Variants in UNC13C observed in about 807,000 individuals in gnomAD.
UNC13C encodes the protein unc-13 homolog C.
A neutral mutation model predicts 245.4 loss-of-function variants in UNC13C; 174 were observed. The ratio of observed to expected loss-of-function variants is 0.71; its 90% CI spans 0.63 to 0.80. UNC13C has a LOEUF of 0.80. Among genes scored for constraint, UNC13C ranks in the 30% least tolerant of loss-of-function variants. The pLI is 0.00. For synonymous variants in UNC13C, 992 were observed against 895.1 expected, an observed-to-expected ratio of 1.11 and a Z score of -1.93; for missense variants, 2,829 against 2,602.9, an observed-to-expected ratio of 1.09 and a Z score of -1.89.
the UNC13C span, among the ~76,000 whole-genome samples, chr15:53,934,397 C>T: frequency 7.4e-4 from 112 of 152,288 alleles, no homozygotes; most frequent in African/African-American, 2.5e-3. Flanking sequence ...TTTCCAACCC[C>T]CGCCTTTTTC....
intron 4 of UNC13C, among the ~76,000 whole-genome samples, chr15:54,201,258 C>T (rs1423983933): frequency 6.6e-6 from 1 of 151,910 alleles, no homozygotes; most frequent in Non-Finnish European, 1.5e-5. Context: ...GAAACCAATC[C>T]TATTGACACT....
At chr15:54,574,124 A>G (rs1359482982) in intron 30 of UNC13C, among the ~76,000 whole-genome samples, 1 of 152,168 alleles carries the variant, frequency 6.6e-6, no homozygotes, top group East Asian at 1.9e-4. Flanking sequence ...ATAACCCCCT[A>G]TTTTAATCAA....
At chr15:54,328,651 A>G (rs1219292402) in intron 14 of UNC13C, among the ~76,000 whole-genome samples, 2 of 151,966 alleles carry the variant, frequency 1.3e-5, no homozygotes, top group African/African-American at 2.4e-5. Context: ...TCCTTACAAG[A>G]GCTTTTCCTT....
the UNC13C span, among the ~76,000 whole-genome samples, chr15:53,895,044 A>G: frequency 0.056 from 8,482 of 152,038 alleles, 287 homozygotes; most frequent in Middle Eastern, 0.15. Flanking sequence ...TAAAGCTTTT[A>G]CTGTTATTAG....
In UNC13C at chr15:53,978,629, G is replaced by A. The variant is rs1288732774; in HGVS notation, c.-555G>A. ...GTATTTGGCAATGAGAAGAGTGAAAGGCAGTTTCTTGCCAGCAGCTAAGTT... is the reference window on the plus strand; with the variant it reads ...GTATTTGGCAATGAGAAGAGTGAAAAGCAGTTTCTTGCCAGCAGCTAAGTT... On this transcript the variant is annotated 5_prime_UTR_variant, in exon 1 of 33. Coordinates refer to ENST00000260323, the MANE Select transcript of UNC13C (RefSeq NM_001080534.3). 6.6e-6 allele frequency among the ~76,000 whole-genome samples: 1 copy of A among 152,174 alleles called. No individual in the cohort carries two copies. Among genetic ancestry groups the A allele is most frequent in the Admixed American group, 6.5e-5 (1 of 15,274 alleles).
At chr15:53,971,456 T>C in the UNC13C span, among the ~76,000 whole-genome samples, 1 of 152,126 alleles carries the variant, frequency 6.6e-6, no homozygotes, top group South Asian at 2.1e-4. Flanking sequence ...GACATCAAAC[T>C]TAGAAACTTC....
At chr15:54,240,411 C>T (rs184918452) in intron 7 of UNC13C, among the ~76,000 whole-genome samples, 39 of 152,236 alleles carry the variant, frequency 2.6e-4, no homozygotes, top group East Asian at 1.5e-3. Context: ...ACACTTGATA[C>T]AAAAGCATAA....
chr15:54,072,383 A>G (rs1898369233), intron 2 of UNC13C, among the ~76,000 whole-genome samples: 1 of 152,174 alleles, frequency 6.6e-6, no homozygotes, highest in South Asian at 2.1e-4. Flanking sequence ...ATCCAGGGCA[A>G]CTGAATTTTC....
chr15:53,975,145 C>T (rs1046042548), upstream of UNC13C, among the ~76,000 whole-genome samples: 4 of 152,174 alleles, frequency 2.6e-5, no homozygotes, highest in African/African-American at 9.7e-5. Flanking sequence ...CAATTCTACT[C>T]AAAAGTGCCA....
intron 2 of UNC13C, among the ~76,000 whole-genome samples, chr15:54,111,687 C>G (rs897521825): frequency 2.6e-5 from 4 of 152,188 alleles, no homozygotes; most frequent in Non-Finnish European, 1.5e-5. Context: ...TCATGGGAAT[C>G]AACAGGAGAG....
At position 54,235,183 on chromosome 15, in the gene UNC13C, A is replaced by T. The variant is rs184300358; in HGVS notation, c.3150+75A>T. 465 of 1,259,984 alleles carry T rather than the reference A, an allele frequency of 3.7e-4. 1 individual carries two copies. Among genetic ancestry groups the T allele is most frequent in the Non-Finnish European group, 5.2e-4 (454 of 866,578 alleles). The allele number at this position is 1,259,984 out of a possible 1,614,324, so 78.1% of individuals were successfully genotyped here. A position where few individuals can be genotyped will look rare whatever the true frequency, so the allele number is the denominator to read the frequency against. On this transcript the variant is annotated intron_variant, in intron 5 of 32. Transcript: ENST00000260323. The stretch of plus-strand genomic sequence containing the variant: ...CTTACTAAAATGTAATGTCCTTCTC[A>T]TTCACTGTCTAGCCTGTAAATATTC...
At chr15:54,295,799 T>C (rs2037414382) in intron 11 of UNC13C, among the ~76,000 whole-genome samples, 1 of 152,160 alleles carries the variant, frequency 6.6e-6, no homozygotes, top group Admixed American at 6.5e-5. Flanking sequence ...GTCTATGAGA[T>C]GAAAATGTGA....
chr15:53,879,203 C>G, the UNC13C span, among the ~76,000 whole-genome samples: 2,058 of 152,266 alleles, frequency 0.014, 63 homozygotes, highest in East Asian at 0.13. Flanking sequence ...ACTCTGTTGA[C>G]CAGGCTGCAG....
At chr15:54,075,459 A>G in intron 2 of UNC13C, among the ~76,000 whole-genome samples, 1 of 141,404 alleles carries the variant, frequency 7.1e-6, no homozygotes, top group Non-Finnish European at 1.5e-5. Context: ...CGGAGCTTGC[A>G]GTGAGCCGGA....
intron 2 of UNC13C, among the ~76,000 whole-genome samples, chr15:54,028,582 G>T (rs1334931683): frequency 6.6e-6 from 1 of 151,950 alleles, no homozygotes. Flanking sequence ...CAAGTGGTAT[G>T]CCTGGTACCC....
At chr15:54,576,077 C>A (rs1181448017) in intron 30 of UNC13C, among the ~76,000 whole-genome samples, 1 of 152,222 alleles carries the variant, frequency 6.6e-6, no homozygotes, top group East Asian at 1.9e-4. Flanking sequence ...TGAAGATAAG[C>A]AAACATCTTG....
chr15:54,246,628 T>C (rs1195181580), intron 7 of UNC13C, among the ~76,000 whole-genome samples: 1 of 152,128 alleles, frequency 6.6e-6, no homozygotes, highest in Non-Finnish European at 1.5e-5. Context: ...AAATACATTT[T>C]TATTGTAGAA....
chr15:54,254,561 T>C (rs992922942), intron 8 of UNC13C, among the ~76,000 whole-genome samples: 16 of 152,192 alleles, frequency 1.1e-4, no homozygotes, highest in African/African-American at 3.6e-4. Flanking sequence ...CCTGTTGTGG[T>C]TTAAATATCA....
intron 16 of UNC13C, among the ~76,000 whole-genome samples, chr15:54,335,944 T>TTATG (rs1196956888): frequency 3.9e-5 from 6 of 152,066 alleles, no homozygotes; most frequent in Non-Finnish European, 7.4e-5. Flanking sequence ...ATTTTCCATG[T>TTATG]TATGTATGTA....
Sources: allele counts gnomAD v4.1 joint callset (sites outside exome capture counted in the v4.1 genomes callset), GRCh38; gene constraint gnomAD v4.1.1; transcripts MANE v1.5; gene names NCBI Gene and HGNC (gene_info 2026-07-23, HGNC 2026-07-21).